The following CTDSPL2 variants were observed in gnomAD, a reference collection of about 807,000 sequenced individuals.
The protein encoded by CTDSPL2 is CTD small phosphatase-like protein 2.
Under a neutral mutation model 60.0 loss-of-function variants are expected in CTDSPL2, and 5 were observed. The observed-to-expected ratio is 0.08, with a 90% CI of 0.04 to 0.18. The LOEUF (loss-of-function observed/expected upper bound fraction) is 0.18. Among genes scored for constraint, CTDSPL2 ranks in the 10% least tolerant of loss-of-function variants. CTDSPL2 has a pLI of 1.00. For missense variants in CTDSPL2, 370 were observed against 548.8 expected (o/e 0.67, Z 3.26); for synonymous variants, 186 against 189.3 (o/e 0.98, Z 0.14).
intron 2 of CTDSPL2, among the ~76,000 whole-genome samples, chr15:44,465,209 G>A (rs527920306): frequency 1.6e-3 from 251 of 152,258 alleles, no homozygotes; most frequent in Middle Eastern, 3.4e-3. Context: ...GGAATTGTTC[G>A]TGTGCAGCCT....
chr15:44,499,962 C>A, intron 8 of CTDSPL2, 149 bp downstream of exon 8: 1 of 542,296 alleles, frequency 1.8e-6, no homozygotes, highest in Admixed American at 3.3e-5. Flanking sequence ...GATTTATTAA[C>A]AAAATTAGCA....
At chr15:44,440,922 G>A (rs2080072717) in intron 1 of CTDSPL2, among the ~76,000 whole-genome samples, 1 of 152,094 alleles carries the variant, frequency 6.6e-6, no homozygotes, top group Admixed American at 6.6e-5. Flanking sequence ...TGCGCCATTG[G>A]CTTCAAATTT....
intron 2 of CTDSPL2, among the ~76,000 whole-genome samples, chr15:44,479,175 C>G (rs1294909251): frequency 6.6e-6 from 1 of 151,888 alleles, no homozygotes; most frequent in Non-Finnish European, 1.5e-5. Context: ...TTGCTTGAAC[C>G]TGGGAATTTG....
intron 4 of CTDSPL2, among the ~76,000 whole-genome samples, chr15:44,488,774 G>A (rs763041519): frequency 1.3e-5 from 2 of 151,996 alleles, no homozygotes; most frequent in African/African-American, 2.4e-5. Flanking sequence ...AGCTGAGATC[G>A]CACCATTGCA....
At chr15:44,428,555 T>C (rs2079794095) in intron 1 of CTDSPL2, among the ~76,000 whole-genome samples, 2 of 152,216 alleles carry the variant, frequency 1.3e-5, no homozygotes, top group Non-Finnish European at 2.9e-5. Flanking sequence ...CACTTCAGCG[T>C]ACCTTAGGGA....
chr15:44,462,692 A>G (rs1248542837), intron 2 of CTDSPL2, among the ~76,000 whole-genome samples: 1 of 124,416 alleles, frequency 8.0e-6, no homozygotes, highest in Non-Finnish European at 1.6e-5. Flanking sequence ...GAACTAGAAC[A>G]CTCAGGACTT....
chr15:44,464,419 T>G (rs2080641555), intron 2 of CTDSPL2, among the ~76,000 whole-genome samples: 2 of 152,230 alleles, frequency 1.3e-5, no homozygotes, highest in Non-Finnish European at 2.9e-5. Flanking sequence ...TGTATACTAC[T>G]GCATCTCCAA....
intron 2 of CTDSPL2, among the ~76,000 whole-genome samples, chr15:44,479,482 C>G (rs964211593): frequency 7.0e-6 from 1 of 142,486 alleles, no homozygotes; most frequent in Admixed American, 7.2e-5. Flanking sequence ...TCATGGCTCA[C>G]TGCAGTCTCA....
intron 2 of CTDSPL2, among the ~76,000 whole-genome samples, chr15:44,469,676 A>T (rs953248531): frequency 4.6e-5 from 7 of 152,190 alleles, no homozygotes; most frequent in Non-Finnish European, 7.4e-5. Flanking sequence ...TTGGGAATAT[A>T]TGTGATATTT....
At position 44,528,222 on chromosome 15, in the gene CTDSPL2, T is replaced by C. The variant is rs2081901598; in HGVS notation, c.*4048T>C. On this transcript the variant is annotated 3_prime_UTR_variant, in exon 13 of 13. Coordinates refer to ENST00000260327, the MANE Select transcript of CTDSPL2 (RefSeq NM_016396.3). ...ATATTAGTATTTTAAGATACATCAG[T>C]TGATCCCGAAACCTGACCATTAGAA... The C allele has an allele frequency of 6.6e-6, 1 of 152,152 alleles. No individual in the cohort carries two copies. The highest frequency in any genetic ancestry group is 1.5e-5 in the Non-Finnish European group (1 of 68,014). 9.4% of individuals were successfully genotyped at this position (152,152 alleles called of 1,614,324 possible).
chr15:44,449,909 T>A (rs549752551), intron 1 of CTDSPL2, among the ~76,000 whole-genome samples: 1 of 151,764 alleles, frequency 6.6e-6, no homozygotes. Flanking sequence ...GAGAATTGCT[T>A]GAACCCAGGA....
At chr15:44,474,650 G>A (rs973852800) in intron 2 of CTDSPL2, among the ~76,000 whole-genome samples, 1 of 152,146 alleles carries the variant, frequency 6.6e-6, no homozygotes, top group Admixed American at 6.6e-5. Flanking sequence ...GAGGTCAAGA[G>A]TTCGAGACCA....
At chr15:44,514,494 T>TTATAATA (rs2081617219) in intron 8 of CTDSPL2, 104 bp from the exon 9 acceptor site, 2 of 734,236 alleles carry the variant, frequency 2.7e-6, no homozygotes, top group Non-Finnish European at 4.8e-6. Flanking sequence ...CTTTAAAACA[T>TTATAATA]GAACTTTTTC....
chr15:44,511,405 A>G (rs2140858076), intron 8 of CTDSPL2, among the ~76,000 whole-genome samples: 1 of 152,338 alleles, frequency 6.6e-6, no homozygotes, highest in East Asian at 1.9e-4. Flanking sequence ...TCACCTTTGA[A>G]CAATGTTCCA....
intron 1 of CTDSPL2, among the ~76,000 whole-genome samples, chr15:44,453,518 G>A (rs1301427851): frequency 2.0e-5 from 3 of 151,760 alleles, no homozygotes; most frequent in Admixed American, 6.6e-5. Flanking sequence ...TTGGTGTGCT[G>A]TACCCATTAA....
rs189928374 is a variant in CTDSPL2, at chr15:44,478,309, C to T, written c.187-5915C>T. ...AAAAAAGAAAATACAAAAATTTCCT[C>T]AGCGTGGTGGCAGGCACCTGTAATC... On this transcript the variant is annotated intron_variant, in intron 2 of 12. Coordinates refer to ENST00000260327, the MANE Select transcript of CTDSPL2 (RefSeq NM_016396.3). Among the ~76,000 whole-genome samples, 39 of 151,418 alleles carry T rather than the reference C, an allele frequency of 2.6e-4. No homozygotes were observed. In the East Asian group the frequency reaches 7.0e-3, roughly 27 times the overall value.
rs554319789 is a variant in CTDSPL2, at chr15:44,462,700, C to CTTTTTTTTTTTTTTT, written c.186+3510_186+3524dup. ...GACTCTTGAACTAGAACACTCAGGA[C>CTTTTTTTTTTTTTTT]TTTTTTTTTTTTTTTTTTTTTTTTG... On this transcript the variant is annotated intron_variant, in intron 2 of 12. Transcript: ENST00000260327. Among the ~76,000 whole-genome samples, 32 of 83,744 alleles carry CTTTTTTTTTTTTTTT rather than the reference C, an allele frequency of 3.8e-4. 2 individuals are homozygous for CTTTTTTTTTTTTTTT. Among genetic ancestry groups the CTTTTTTTTTTTTTTT allele is most frequent in the African/African-American group, 1.6e-3 (28 of 17,050 alleles). The allele number at this position is 83,744 out of a possible 152,430, so 54.9% of individuals were successfully genotyped here.
In CTDSPL2 at chr15:44,524,055, G is replaced by C. The variant is rs561551708; in HGVS notation, c.1336-54G>C. On this transcript the variant is annotated intron_variant, in intron 12 of 12. Transcript: ENST00000260327. The stretch of plus-strand genomic sequence containing the variant: ...GCAAGGTAAGAATGTATGTTATGAG[G>C]ATCATATCTTTGAAATTTTATGCCT... 2.6e-4 allele frequency: 342 copies of C among 1,330,528 alleles called. 1 individual carries two copies. Among genetic ancestry groups the C allele is most frequent in the South Asian group, 1.8e-3 (155 of 85,308 alleles). The allele number at this position is 1,330,528 out of a possible 1,614,324, so 82.4% of individuals were successfully genotyped here.
intron 2 of CTDSPL2, 80 bp from the exon 3 acceptor site, chr15:44,484,144 G>A (rs960466414): frequency 2.3e-5 from 28 of 1,242,410 alleles, no homozygotes; most frequent in Middle Eastern, 2.8e-4. Flanking sequence ...ATATTATACC[G>A]TATTTTTTCA....
Sources: allele counts gnomAD v4.1 joint callset (sites outside exome capture counted in the v4.1 genomes callset), GRCh38; gene constraint gnomAD v4.1.1; transcripts MANE v1.5; gene names NCBI Gene and HGNC (gene_info 2026-07-23, HGNC 2026-07-21).